The following DIAPH2 variants were observed in gnomAD, a reference collection of about 807,000 sequenced individuals.
DIAPH2 encodes the protein diaphanous related formin 2.
In DIAPH2, 35 loss-of-function variants were observed where a neutral mutation model predicts 92.7. That is an observed-to-expected ratio of 0.38 (90% CI 0.29 to 0.50). The LOEUF is 0.50. Among genes scored for constraint, DIAPH2 ranks in the 20% least tolerant of loss-of-function variants. The pLI is 0.94. For missense variants in DIAPH2, 701 were observed against 819.5 expected, an observed-to-expected ratio of 0.86 and a Z score of 1.77; for synonymous variants, 301 against 280.4, an observed-to-expected ratio of 1.07 and a Z score of -0.73.
chrX:97,307,049 G>A (rs916566580), intron 23 of DIAPH2, among the ~76,000 whole-genome samples: 2 of 111,524 alleles, frequency 1.8e-5, no homozygotes, highest in African/African-American at 3.3e-5. Flanking sequence ...AGACCCCTCT[G>A]GGTCTTGAGT....
intron 22 of DIAPH2, among the ~76,000 whole-genome samples, chrX:97,144,922 G>A (rs975959771): frequency 9.0e-6 from 1 of 111,324 alleles, no homozygotes; most frequent in Non-Finnish European, 1.9e-5. Flanking sequence ...ACGCCACCAT[G>A]CCCAGCTAAT....
At chrX:96,806,585 G>A (rs780588541) in intron 4 of DIAPH2, among the ~76,000 whole-genome samples, 1 of 91,165 alleles carries the variant, frequency 1.1e-5, no homozygotes, top group East Asian at 4.2e-4. Flanking sequence ...GGCGGAGGTT[G>A]CAGTGAGCTG....
At chrX:97,040,851 A>G (rs1473711428) in intron 17 of DIAPH2, among the ~76,000 whole-genome samples, 1 of 111,040 alleles carries the variant, frequency 9.0e-6, no homozygotes, top group East Asian at 2.8e-4. Context: ...AGAAAAAATT[A>G]TGCAGAAATC....
At chrX:97,139,816 G>GT (rs1281441489) in intron 21 of DIAPH2, among the ~76,000 whole-genome samples, 1 of 109,968 alleles carries the variant, frequency 9.1e-6, no homozygotes. Context: ...AAACTGAAAT[G>GT]TTTTTTAATA....
intron 25 of DIAPH2, among the ~76,000 whole-genome samples, chrX:97,386,462 G>C (rs2069601499): frequency 9.0e-6 from 1 of 111,658 alleles, no homozygotes. Flanking sequence ...GAGGTCAAGA[G>C]TTCGAGACCA....
At chrX:96,853,278 T>C (rs916137563) in intron 4 of DIAPH2, among the ~76,000 whole-genome samples, 3 of 112,097 alleles carry the variant, frequency 2.7e-5, no homozygotes, top group Non-Finnish European at 5.6e-5. Context: ...TCACAAGACA[T>C]TGTTTTAAGA....
At chrX:96,905,007 A>T (rs970676638) in intron 5 of DIAPH2, among the ~76,000 whole-genome samples, 3 of 111,350 alleles carry the variant, frequency 2.7e-5, no homozygotes, top group South Asian at 3.8e-4. Context: ...TGGGAATAGA[A>T]CACCATTAGA....
chrX:96,900,542 T>C (rs2065386025), intron 5 of DIAPH2, among the ~76,000 whole-genome samples: 2 of 111,580 alleles, frequency 1.8e-5, no homozygotes, highest in Middle Eastern at 4.7e-3. Flanking sequence ...CATCCTTGTC[T>C]TGTTGCTTTC....
intron 26 of DIAPH2, among the ~76,000 whole-genome samples, chrX:97,481,541 T>A (rs1291105013): frequency 9.0e-6 from 1 of 111,427 alleles, no homozygotes; most frequent in African/African-American, 3.3e-5. Flanking sequence ...AACCCAGTAG[T>A]ATTTTTGCTA....
At chrX:97,178,558 T>G (rs1192099377) in intron 22 of DIAPH2, among the ~76,000 whole-genome samples, 1 of 100,539 alleles carries the variant, frequency 9.9e-6, no homozygotes, top group Admixed American at 1.1e-4. Context: ...GTTCAAGCAA[T>G]TCTCCTGCCT....
chrX:97,355,737 A>G (rs139470338), intron 24 of DIAPH2, among the ~76,000 whole-genome samples: 1,261 of 111,046 alleles, frequency 0.011, 19 homozygotes, highest in African/African-American at 0.04. Flanking sequence ...TATCCCAGTT[A>G]TCTCCTCTTT....
At chrX:97,347,578 C>T (rs1444899928) in intron 23 of DIAPH2, among the ~76,000 whole-genome samples, 4 of 110,891 alleles carry the variant, frequency 3.6e-5, no homozygotes, top group African/African-American at 6.6e-5. Flanking sequence ...ACAAATGTTC[C>T]GTGTGGCTAC....
chrX:97,333,998 C>T (rs2147670672), intron 23 of DIAPH2, among the ~76,000 whole-genome samples: 1 of 111,642 alleles, frequency 9.0e-6, no homozygotes, highest in South Asian at 3.8e-4. Flanking sequence ...TTCCTAAAAA[C>T]AGGTAAGGTC....
At chrX:97,387,546 T>C (rs1326500082) in intron 25 of DIAPH2, among the ~76,000 whole-genome samples, 2 of 111,956 alleles carry the variant, frequency 1.8e-5, no homozygotes, top group Admixed American at 9.5e-5. Flanking sequence ...GTCGGTGTTT[T>C]TGTTCTAGTC....
intron 19 of DIAPH2, among the ~76,000 whole-genome samples, chrX:97,085,944 G>A: frequency 9.0e-6 from 1 of 111,446 alleles, no homozygotes; most frequent in Non-Finnish European, 1.9e-5. Context: ...GCAGGCAAAG[G>A]GGAGAGTTGT....
intron 4 of DIAPH2, among the ~76,000 whole-genome samples, chrX:96,790,577 CAG>C (rs1365779331): frequency 9.0e-6 from 1 of 111,314 alleles, no homozygotes; most frequent in Non-Finnish European, 1.9e-5. Context: ...GCCCCCTTAT[CAG>C]AAACAGTATT....
intron 22 of DIAPH2, among the ~76,000 whole-genome samples, chrX:97,230,555 ATG>A (rs1006654561): frequency 2.7e-5 from 3 of 111,804 alleles, no homozygotes; most frequent in African/African-American, 9.7e-5. Context: ...ACCCATTTGT[ATG>A]TTTTGTTTTG....
At chrX:97,510,972 A>T (rs1334074671) in intron 26 of DIAPH2, among the ~76,000 whole-genome samples, 10 of 106,067 alleles carry the variant, frequency 9.4e-5, no homozygotes, top group East Asian at 3.0e-4. Context: ...CTTTTGGCTT[A>T]GGATTGTCTT....
intron 23 of DIAPH2, among the ~76,000 whole-genome samples, chrX:97,344,095 A>G (rs2069136515): frequency 8.9e-6 from 1 of 112,416 alleles, no homozygotes; most frequent in South Asian, 3.7e-4. Context: ...TCTTATACAC[A>G]TGCAAATCGA....
Sources: gnomAD v4.1 joint callset for allele counts (sites outside exome capture counted in the v4.1 genomes callset) on GRCh38, gnomAD v4.1.1 for gene constraint, MANE v1.5 for transcripts, NCBI Gene and HGNC (gene_info 2026-07-23, HGNC 2026-07-21) for gene names.